The following PRKG2 variants were observed in gnomAD, a reference collection of about 807,000 sequenced individuals.
PRKG2 encodes the protein cGMP-dependent protein kinase 2.
A neutral mutation model predicts 97.2 loss-of-function variants in PRKG2; 33 were observed. The observed-to-expected ratio is 0.34, with a 90% CI of 0.26 to 0.45. PRKG2 has a LOEUF of 0.45. Ranked by LOEUF, PRKG2 falls within the 20% of genes least tolerant of loss-of-function variation. The pLI, the probability that PRKG2 is intolerant of heterozygous loss-of-function variation, is 1.00. For synonymous variants in PRKG2, 330 were observed against 321.8 expected, an observed-to-expected ratio of 1.03 and a Z score of -0.27; for missense variants, 638 against 900.0, an observed-to-expected ratio of 0.71 and a Z score of 3.73.
chr4:81,102,778 AT>A (rs891168091), intron 17 of PRKG2, among the ~76,000 whole-genome samples: 2 of 152,096 alleles, frequency 1.3e-5, no homozygotes, highest in Admixed American at 6.6e-5. Flanking sequence ...TGGCAGGTTG[AT>A]TTTTTGTTTT....
At chr4:81,217,134 C>T (rs1754309704), upstream of PRKG2, among the ~76,000 whole-genome samples, 3 of 149,864 alleles carry the variant, frequency 2.0e-5, no homozygotes, top group South Asian at 4.2e-4. Flanking sequence ...CATGATTTTG[C>T]TATTGTGAAT....
chr4:81,176,349 C>A (rs1004096470), intron 2 of PRKG2, among the ~76,000 whole-genome samples: 1 of 152,004 alleles, frequency 6.6e-6, no homozygotes, highest in Non-Finnish European at 1.5e-5. Flanking sequence ...AGCTTCTAGC[C>A]GATTTTCCCT....
intron 3 of PRKG2, among the ~76,000 whole-genome samples, chr4:81,173,503 A>G (rs903133013): frequency 6.6e-6 from 1 of 152,148 alleles, no homozygotes; most frequent in African/African-American, 2.4e-5. Context: ...CTAAAGCAGA[A>G]GTTAAAATGG....
chr4:81,104,793 A>C (rs1224411603), intron 16 of PRKG2, among the ~76,000 whole-genome samples: 1 of 152,164 alleles, frequency 6.6e-6, no homozygotes, highest in Non-Finnish European at 1.5e-5. Flanking sequence ...AAATCTTAGA[A>C]GCATACTGGC....
At chr4:81,152,155 G>A in intron 7 of PRKG2, 101 bp from the exon 8 acceptor site, 1 of 853,494 alleles carries the variant, frequency 1.2e-6, no homozygotes, top group Non-Finnish European at 1.8e-6. Context: ...TATAAACTTG[G>A]ACAAGGAAAA....
At position 81,104,364 on chromosome 4, in the gene PRKG2, A is replaced by G. The variant is rs1408463784; in HGVS notation, c.2126+6T>C. 6.6e-7 allele frequency: 1 copy of G among 1,519,046 alleles called. No individual in the cohort carries two copies. Among genetic ancestry groups the G allele is most frequent in the Non-Finnish European group, 8.9e-7 (1 of 1,127,668 alleles). The allele number at this position is 1,519,046 out of a possible 1,614,324, so 94.1% of individuals were successfully genotyped here. A position where few individuals can be genotyped will look rare whatever the true frequency, so the allele number is the denominator to read the frequency against. On this transcript the variant is annotated splice_donor_region_variant and intron_variant, in intron 17 of 18. Coordinates refer to ENST00000264399, the MANE Select transcript of PRKG2 (RefSeq NM_006259.3). Reference sequence around the variant, plus strand: ...TATTTTTCTGGGCAAAGAAATAATTATGTACCTGTGTTTCTTAATGTCATT... The same window carrying G: ...TATTTTTCTGGGCAAAGAAATAATTGTGTACCTGTGTTTCTTAATGTCATT...
chr4:81,144,772 G>A (rs1273738745), intron 9 of PRKG2, among the ~76,000 whole-genome samples: 1 of 101,076 alleles, frequency 9.9e-6, no homozygotes, highest in Admixed American at 1.6e-4. Context: ...CCCACCCCAT[G>A]ACAGGCCCCG....
At chr4:81,200,157 G>A (rs1217614134) in intron 2 of PRKG2, among the ~76,000 whole-genome samples, 1 of 152,192 alleles carries the variant, frequency 6.6e-6, no homozygotes, top group Non-Finnish European at 1.5e-5. Flanking sequence ...TAAAAGGTCT[G>A]ACATCTGAAT....
intron 2 of PRKG2, among the ~76,000 whole-genome samples, chr4:81,188,313 C>T (rs1302896536): frequency 6.7e-6 from 1 of 150,098 alleles, no homozygotes; most frequent in Non-Finnish European, 1.5e-5. Flanking sequence ...CAAATCAAAA[C>T]CACAATGAGA....
intron 14 of PRKG2, among the ~76,000 whole-genome samples, chr4:81,120,381 C>T (rs541478756): frequency 8.5e-5 from 13 of 152,330 alleles, no homozygotes; most frequent in Non-Finnish European, 1.8e-4. Flanking sequence ...AATTCCTTTA[C>T]ATTTAATTCA....
In PRKG2 at chr4:81,120,254, G is replaced by C. The variant is rs77408715; in HGVS notation, c.1777-9643C>G. ...TTTCTACACCTTCCGATTTCTGTACGTCACTTCCCTTTTTTTGTCTGTACA... is the reference window on the plus strand; with the variant it reads ...TTTCTACACCTTCCGATTTCTGTACCTCACTTCCCTTTTTTTGTCTGTACA... On this transcript the variant is annotated intron_variant, in intron 14 of 18. Coordinates refer to ENST00000264399, the MANE Select transcript of PRKG2 (RefSeq NM_006259.3). 3.3e-5 allele frequency among the ~76,000 whole-genome samples: 5 copies of C among 152,070 alleles called. No homozygotes were observed. In the South Asian group the frequency reaches 1.0e-3, roughly 32 times the overall value.
chr4:81,215,874 C>T (rs993869707), upstream of PRKG2, among the ~76,000 whole-genome samples: 2 of 151,836 alleles, frequency 1.3e-5, no homozygotes, highest in African/African-American at 4.8e-5. Flanking sequence ...TCTCTCGTCA[C>T]CTTTTGAGTA....
At chr4:81,133,867 T>C (rs551407205) in intron 14 of PRKG2, among the ~76,000 whole-genome samples, 13 of 152,076 alleles carry the variant, frequency 8.5e-5, no homozygotes, top group Non-Finnish European at 1.5e-4. Flanking sequence ...TAAAAATAGC[T>C]TTTTAAGAAA....
intron 10 of PRKG2, 63 bp from the exon 11 acceptor site, chr4:81,143,010 C>T: frequency 6.7e-7 from 1 of 1,500,158 alleles, no homozygotes; most frequent in East Asian, 2.3e-5. Context: ...TCATGCCATA[C>T]ATAAATTTCA....
intron 2 of PRKG2, among the ~76,000 whole-genome samples, chr4:81,182,104 C>T (rs986641113): frequency 1.3e-5 from 2 of 151,162 alleles, no homozygotes; most frequent in African/African-American, 2.4e-5. Flanking sequence ...GAATTTTTCC[C>T]GATTCATTTT....
At chr4:81,152,176 T>C in intron 7 of PRKG2, 122 bp from the exon 8 acceptor site, 1 of 710,850 alleles carries the variant, frequency 1.4e-6, no homozygotes, top group Non-Finnish European at 2.3e-6. Flanking sequence ...AGACAATACT[T>C]TGTTTTAATT....
In PRKG2 at chr4:81,142,775, T is replaced by C. The variant is rs765144873; in HGVS notation, c.1407+19A>G. 6.5e-7 allele frequency: 1 copy of C among 1,534,520 alleles called. No homozygotes were observed. The highest frequency in any genetic ancestry group is 8.8e-7 in the Non-Finnish European group (1 of 1,134,026). ...AGTCAAAAGGCTTCTCTCAGATGCT[T>C]GAAACGTAAACCCCTTACAAGCTCA... On this transcript the variant is annotated intron_variant, in intron 11 of 18. Coordinates refer to ENST00000264399, the MANE Select transcript of PRKG2 (RefSeq NM_006259.3).
chr4:81,195,318 T>C (rs1195834991), intron 2 of PRKG2, among the ~76,000 whole-genome samples: 1 of 152,196 alleles, frequency 6.6e-6, no homozygotes, highest in Non-Finnish European at 1.5e-5. Flanking sequence ...GTCTGGAACC[T>C]GAAACGTGGC....
At chr4:81,192,714 TG>T (rs1478031959) in intron 2 of PRKG2, among the ~76,000 whole-genome samples, 6 of 152,278 alleles carry the variant, frequency 3.9e-5, no homozygotes, top group Non-Finnish European at 8.8e-5. Flanking sequence ...GAAGTCTTTC[TG>T]GGGGAAAGAG....
Sources: allele counts gnomAD v4.1 joint callset (sites outside exome capture counted in the v4.1 genomes callset), GRCh38; gene constraint gnomAD v4.1.1; transcripts MANE v1.5; gene names NCBI Gene and HGNC (gene_info 2026-07-23, HGNC 2026-07-21).